The following DIAPH2 variants were observed in gnomAD, a reference collection of about 807,000 sequenced individuals.
The protein encoded by DIAPH2 is diaphanous related formin 2.
A neutral mutation model predicts 92.7 loss-of-function variants in DIAPH2; 35 were observed. That is an observed-to-expected ratio of 0.38 (90% CI 0.29 to 0.50). The LOEUF (loss-of-function observed/expected upper bound fraction) is 0.50, where lower values mean the gene tolerates loss of function less well. Ranked by LOEUF, DIAPH2 falls within the 20% of genes least tolerant of loss-of-function variation. DIAPH2 has a pLI of 0.94. For missense variants in DIAPH2, 701 were observed against 819.5 expected (o/e 0.86, Z 1.77); for synonymous variants, 301 against 280.4 (o/e 1.07, Z -0.73).
At chrX:96,788,575 A>ATT (rs1183334491) in intron 4 of DIAPH2, among the ~76,000 whole-genome samples, 1 of 111,792 alleles carries the variant, frequency 8.9e-6, no homozygotes, top group African/African-American at 3.3e-5. Context: ...TTAGGGAAGC[A>ATT]TGCAAATTGT....
At chrX:97,367,139 A>G (rs765594815) in intron 24 of DIAPH2, among the ~76,000 whole-genome samples, 1 of 112,020 alleles carries the variant, frequency 8.9e-6, no homozygotes, top group South Asian at 3.8e-4. Flanking sequence ...AAATAAGGCA[A>G]CTTAAGCAGA....
At chrX:96,747,510 A>C (rs2064158186) in intron 3 of DIAPH2, among the ~76,000 whole-genome samples, 1 of 112,174 alleles carries the variant, frequency 8.9e-6, no homozygotes, top group South Asian at 3.6e-4. Flanking sequence ...TATACTTTGC[A>C]TTTTTGTCAT....
chrX:97,225,037 T>C (rs771401149), intron 22 of DIAPH2, among the ~76,000 whole-genome samples: 1 of 111,015 alleles, frequency 9.0e-6, no homozygotes, highest in Non-Finnish European at 1.9e-5. Context: ...GTGCTTATTC[T>C]CCAAACCTCC....
intron 24 of DIAPH2, among the ~76,000 whole-genome samples, chrX:97,349,030 ATG>A (rs778771385): frequency 3.9e-5 from 4 of 102,889 alleles, no homozygotes; most frequent in African/African-American, 1.5e-4. Context: ...GTGTATATAT[ATG>A]TGTGTATATA....
chrX:97,004,813 C>G (rs2066168939), intron 17 of DIAPH2, among the ~76,000 whole-genome samples: 1 of 111,888 alleles, frequency 8.9e-6, no homozygotes, highest in East Asian at 2.8e-4. Flanking sequence ...TTTAATTGCT[C>G]TAGCTAGGGC....
intron 4 of DIAPH2, among the ~76,000 whole-genome samples, chrX:96,759,691 TGTG>T (rs1057341382): frequency 6.3e-5 from 7 of 111,528 alleles, no homozygotes; most frequent in African/African-American, 2.3e-4. Context: ...TGAATAATCA[TGTG>T]GTGGTTTTAA....
At position 97,106,784 on chromosome X, in the gene DIAPH2, T is replaced by C. The variant is rs988318355; in HGVS notation, c.2349+6989T>C. Among the ~76,000 whole-genome samples, 3 of 110,945 alleles carry C rather than the reference T, an allele frequency of 2.7e-5. No individual in the cohort carries two copies. The Admixed American group carries it at 2.9e-4, about 11-fold the overall frequency. On this transcript the variant is annotated intron_variant, in intron 20 of 26. Transcript: ENST00000324765. ...CCGTCTCTACTAAAAATACAAAAAT[T>C]AGCCAGGCATGGTGGCGGGTGCCTG...
In DIAPH2 at chrX:96,925,190, G is replaced by A. The variant is rs2065572490; in HGVS notation, c.979-5543G>A. ...CCAACTCACAGACCCCATATGTTCA[G>A]CTGCCTCCTGACTAGATTTCAAATT... is the stretch of plus-strand genomic sequence containing the variant. On this transcript the variant is annotated intron_variant, in intron 9 of 26. Coordinates refer to ENST00000324765, the MANE Select transcript of DIAPH2 (RefSeq NM_006729.5). Among the ~76,000 whole-genome samples the A allele has an allele frequency of 2.7e-5, 3 of 110,182 alleles. No individual in the cohort carries two copies. In the Admixed American group the frequency reaches 2.9e-4, roughly 11 times the overall value.
rs762929417 is a variant in DIAPH2 at position 97,349,374 on chromosome X, G to T, written c.3009+1094G>T. 1.0e-3 allele frequency among the ~76,000 whole-genome samples: 112 copies of T among 110,511 alleles called. 1 individual carries two copies. Among genetic ancestry groups the T allele is most frequent in the Non-Finnish European group, 1.6e-3 (84 of 52,766 alleles). ...AAAGTGTTGGGATTACAGGCGTGAG[G>T]ACCTCTAGCAATAATCCCCAACAGG... On this transcript the variant is annotated intron_variant, in intron 24 of 26. Coordinates refer to ENST00000324765, the MANE Select transcript of DIAPH2 (RefSeq NM_006729.5).
intron 26 of DIAPH2, among the ~76,000 whole-genome samples, chrX:97,446,729 GT>G (rs1317793297): frequency 9.1e-6 from 1 of 109,905 alleles, no homozygotes. Context: ...ATTGTGTGTG[GT>G]TTTTTTAAAC....
At chrX:97,324,465 C>A (rs1438320587) in intron 23 of DIAPH2, among the ~76,000 whole-genome samples, 1 of 112,347 alleles carries the variant, frequency 8.9e-6, no homozygotes, top group Non-Finnish European at 1.9e-5. Flanking sequence ...TCAAATAGTA[C>A]ATTTTTAAAA....
chrX:96,961,096 C>G (rs1056518504), intron 16 of DIAPH2, among the ~76,000 whole-genome samples: 1 of 111,151 alleles, frequency 9.0e-6, no homozygotes, highest in Non-Finnish European at 1.9e-5. Flanking sequence ...ATGCTGGCCT[C>G]GTAGGATGAG....
At chrX:97,555,457 G>T (rs1443864634) in intron 26 of DIAPH2, 2 of 745,736 alleles carry the variant, frequency 2.7e-6, no homozygotes, top group Admixed American at 1.8e-4. Context: ...AGAAGAAAGA[G>T]CTAGCTGCAA....
At position 96,769,923 on chromosome X, in the gene DIAPH2, C is replaced by T. The variant is rs113569154; in HGVS notation, c.447+11665C>T. Among the ~76,000 whole-genome samples the T allele has an allele frequency of 3.0e-3, 331 of 112,060 alleles. 4 individuals carry two copies. Among genetic ancestry groups the T allele is most frequent in the Middle Eastern group, 4.6e-3 (1 of 218 alleles). On this transcript the variant is annotated intron_variant, in intron 4 of 26. Coordinates refer to ENST00000324765, the MANE Select transcript of DIAPH2 (RefSeq NM_006729.5). The stretch of plus-strand genomic sequence containing the variant: ...TGTTAAAAGTATAAACATGGCTGGG[C>T]GCCGTGGCTCACGCTTGTAACCCCA...
At position 96,951,684 on chromosome X, in the gene DIAPH2, C is replaced by T. The variant is rs150808855; in HGVS notation, c.1614+2645C>T. ...TACTAAATTATTCATTTACCATATT[C>T]AATTTGCAATACGATGTGGTAGCCT... On this transcript the variant is annotated intron_variant, in intron 15 of 26. Transcript: ENST00000324765. Among the ~76,000 whole-genome samples, 36 of 111,492 alleles carry T rather than the reference C, an allele frequency of 3.2e-4. 1 individual carries two copies. Among genetic ancestry groups the T allele is most frequent in the African/African-American group, 1.2e-3 (36 of 30,742 alleles).
Position 97,108,060 on chromosome X carries a change from C to T in DIAPH2, c.2350-6666C>T, listed in dbSNP as rs191629607. On this transcript the variant is annotated intron_variant, in intron 20 of 26. Transcript: ENST00000324765. Reference sequence around the variant, plus strand: ...GTAGTAGATCAATATTCATGAGCTGCGTAGGTACTGAAGTGTGTAAAATTC... The same window carrying T: ...GTAGTAGATCAATATTCATGAGCTGTGTAGGTACTGAAGTGTGTAAAATTC... Among the ~76,000 whole-genome samples, 13 of 109,773 alleles carry T rather than the reference C, an allele frequency of 1.2e-4. No individual in the cohort carries two copies. In the East Asian group the frequency reaches 2.6e-3, roughly 22 times the overall value.
At chrX:97,194,466 A>C (rs1230206216) in intron 22 of DIAPH2, among the ~76,000 whole-genome samples, 1 of 109,628 alleles carries the variant, frequency 9.1e-6, no homozygotes, top group East Asian at 2.9e-4. Context: ...TTGTATTTTT[A>C]GTAGAGACGG....
chrX:97,219,149 G>A (rs1927604692), intron 22 of DIAPH2, among the ~76,000 whole-genome samples: 1 of 112,422 alleles, frequency 8.9e-6, no homozygotes, highest in Non-Finnish European at 1.9e-5. Flanking sequence ...CTACGTTGTG[G>A]ATGAAAAATG....
chrX:97,592,528 A>AAAAGG (rs1465343872), intron 26 of DIAPH2, among the ~76,000 whole-genome samples: 13 of 112,244 alleles, frequency 1.2e-4, no homozygotes, highest in African/African-American at 3.9e-4. Context: ...GAGCATTAAG[A>AAAAGG]AAAGGAAAGG....
Sources: allele counts gnomAD v4.1 joint callset (sites outside exome capture counted in the v4.1 genomes callset), GRCh38; gene constraint gnomAD v4.1.1; transcripts MANE v1.5; gene names NCBI Gene and HGNC (gene_info 2026-07-23, HGNC 2026-07-21).